The following ADGRL1 variants were observed in gnomAD, a reference collection of about 807,000 sequenced individuals.
The protein encoded by ADGRL1 is CIRL-1.
Under a neutral mutation model 148.9 loss-of-function variants are expected in ADGRL1, and 31 were observed. That is an observed-to-expected ratio of 0.21 (90% CI 0.16 to 0.28). The LOEUF is 0.28. Among genes scored for constraint, ADGRL1 ranks in the 10% least tolerant of loss-of-function variants. The probability of loss-of-function intolerance (pLI) is 1.00; values close to 1 mark genes in which losing one functional copy is unlikely to be tolerated. For missense variants in ADGRL1, 1,521 were observed against 2,058.8 expected (o/e 0.74, Z 5.05); for synonymous variants, 937 against 900.3 (o/e 1.04, Z -0.73).
intron 3 of ADGRL1, chr19:14,171,140 C>A: frequency 4.8e-6 from 1 of 209,382 alleles, no homozygotes; most frequent in Non-Finnish European, 9.7e-6. Flanking sequence ...GTACGGCGTG[C>A]CTGCTTCCCC....
chr19:14,182,079 C>T (rs757510259), intron 2 of ADGRL1, among the ~76,000 whole-genome samples: 4 of 152,130 alleles, frequency 2.6e-5, no homozygotes, highest in Admixed American at 6.5e-5. Flanking sequence ...AATTCCAGCC[C>T]GGCCACTCCC....
In ADGRL1 at chr19:14,205,434, G is replaced by A. The variant is rs1213085274; in HGVS notation, c.-96+551C>T. On this transcript the variant is annotated intron_variant, in intron 1 of 22. Transcript: ENST00000361434. ...CCAGACGGACCCCTCCCCATCCCCC[G>A]CGCCACTGCCTCCCAGAGAAAAACA... Among the ~76,000 whole-genome samples, 8 of 150,602 alleles carry A rather than the reference G, an allele frequency of 5.3e-5. 1 individual carries two copies. In the South Asian group the frequency reaches 1.7e-3, roughly 32 times the overall value.
intron 1 of ADGRL1, among the ~76,000 whole-genome samples, chr19:14,203,560 G>A (rs1372583966): frequency 6.6e-6 from 1 of 152,152 alleles, no homozygotes; most frequent in Non-Finnish European, 1.5e-5. Context: ...CCAAACTGCT[G>A]GATGCAAACA....
In ADGRL1 at chr19:14,150,875, A is replaced by G. The variant is rs745339641; in HGVS notation, c.4408T>C (p.Ter1470ArgextTer53). The G allele has an allele frequency of 6.2e-7, 1 of 1,611,742 alleles. No individual in the cohort carries two copies. The highest frequency in any genetic ancestry group is 8.5e-7 in the Non-Finnish European group (1 of 1,179,546). ...AGCCCCTGGTCCATGAGGTGCCCTCAGAGACTGGTGACCAGCTGCATCTGC... is the reference window on the plus strand; with the variant it reads ...AGCCCCTGGTCCATGAGGTGCCCTCGGAGACTGGTGACCAGCTGCATCTGC... ...DGQMQLVTSL[*>R] The change falls in exon 23 of 23, where the codon TGA becomes CGA. Residue 1470 changes from the stop codon to arginine (R), a stop_lost. Coordinates refer to ENST00000361434, the MANE Select transcript of ADGRL1 (RefSeq NM_014921.5).
intron 4 of ADGRL1, among the ~76,000 whole-genome samples, chr19:14,166,562 CAGAGAGAGAGAGAGAG>C (rs370519604): frequency 1.4e-5 from 2 of 148,076 alleles, no homozygotes; most frequent in Non-Finnish European, 3.0e-5. Context: ...AGGGGAGAGA[CAGAGAGAGAGAGAGAG>C]AGAAAGAGAG....
rs533342402 is a variant in ADGRL1, at chr19:14,147,790, A to AT, written c.*3082dup. 236 of 152,382 alleles carry AT rather than the reference A, an allele frequency of 1.5e-3. No homozygotes were observed. The highest frequency in any genetic ancestry group is 2.4e-3 in the Non-Finnish European group (166 of 67,992). 9.4% of individuals were successfully genotyped at this position (152,382 alleles called of 1,614,324 possible). On this transcript the variant is annotated 3_prime_UTR_variant, in exon 23 of 23. Transcript: ENST00000361434. The stretch of plus-strand genomic sequence containing the variant: ...TATTGTTTGACTTTTTGACTCAACA[A>AT]TTTTTTTAAAACTTTTTGTTTTTTT...
At chr19:14,205,609 G>A (rs1972943192) in intron 1 of ADGRL1, among the ~76,000 whole-genome samples, 1 of 151,684 alleles carries the variant, frequency 6.6e-6, no homozygotes, top group South Asian at 2.1e-4. Context: ...ACACGCACCG[G>A]GGACACGCAG....
chr19:14,184,500 A>G (rs1158921727), intron 1 of ADGRL1, among the ~76,000 whole-genome samples: 5 of 151,048 alleles, frequency 3.3e-5, no homozygotes, highest in Admixed American at 3.3e-4. Flanking sequence ...TGATATAATC[A>G]CAGCTCACTG....
intron 3 of ADGRL1, among the ~76,000 whole-genome samples, chr19:14,172,321 C>T (rs1424157224): frequency 6.6e-6 from 1 of 152,066 alleles, no homozygotes; most frequent in African/African-American, 2.4e-5. Context: ...ACACAGGAGG[C>T]TAAGGCAGAA....
At chr19:14,163,464 AG>A (rs1208345989) in intron 4 of ADGRL1, 58 bp from the exon 5 acceptor site, 4 of 784,058 alleles carry the variant, frequency 5.1e-6, no homozygotes, top group South Asian at 1.9e-5. Flanking sequence ...GGCGAGAGGG[AG>A]GAGAGAGAGA....
At chr19:14,181,981 G>A (rs183796979) in intron 2 of ADGRL1, among the ~76,000 whole-genome samples, 10 of 152,282 alleles carry the variant, frequency 6.6e-5, no homozygotes, top group Admixed American at 3.3e-4. Flanking sequence ...TCCCTGGGGG[G>A]ATTGCGTTGC....
Position 14,149,582 on chromosome 19 carries a change from TGGGGA to T in ADGRL1, c.*1286_*1290del, listed in dbSNP as rs1268745730. ...TGTGAAGAGGTCTCCCCCGGGCCGG[TGGGGA>T]GGGAAGGGGGAGACAGGCCTCTGGT... On this transcript the variant is annotated 3_prime_UTR_variant, in exon 23 of 23. Transcript: ENST00000361434. 1 of 147,446 alleles carries T rather than the reference TGGGGA, an allele frequency of 6.8e-6. No individual in the cohort carries two copies. The highest frequency in any genetic ancestry group is 2.5e-5 in the African/African-American group (1 of 39,610). The allele number at this position is 147,446 out of a possible 1,614,324, so 9.1% of individuals were successfully genotyped here.
At chr19:14,169,114 A>G (rs940419975) in intron 4 of ADGRL1, 1 of 152,256 alleles carries the variant, frequency 6.6e-6, no homozygotes, top group Admixed American at 6.5e-5. Context: ...GGCATTGGTA[A>G]TATTACTGAG....
In ADGRL1 at chr19:14,155,398, C is replaced by G. The variant is rs761920179; in HGVS notation, c.3255G>C (p.Gly1085=). 6.2e-7 allele frequency: 1 copy of G among 1,614,082 alleles called. No individual in the cohort carries two copies. Among genetic ancestry groups the G allele is most frequent in the African/African-American group, 1.3e-5 (1 of 75,020 alleles). The change falls in exon 18 of 23, where the codon GGG becomes GGC. Residue 1085 remains glycine, a synonymous_variant. Transcript: ENST00000361434. This position sits in a 1 kb window ranked among gnomAD's most constrained non-coding sequence, Gnocchi z 5.0. ...YLFTTFNAFQ[G]VFIFVFHCAL... ...CGCAGTGAAAGACGAAGATGAAGACCCCCTGGAAGGCGTTGAAGGTGGTGA... is the reference window on the plus strand; with the variant it reads ...CGCAGTGAAAGACGAAGATGAAGACGCCCTGGAAGGCGTTGAAGGTGGTGA...
At chr19:14,172,417 G>A (rs1328682816) in intron 3 of ADGRL1, among the ~76,000 whole-genome samples, 1 of 151,460 alleles carries the variant, frequency 6.6e-6, no homozygotes, top group East Asian at 1.9e-4. Flanking sequence ...GTAAGACTCC[G>A]TCTCAAACAA....
intron 18 of ADGRL1, among the ~76,000 whole-genome samples, chr19:14,154,183 G>A (rs761004872): frequency 3.9e-5 from 6 of 152,198 alleles, no homozygotes; most frequent in Non-Finnish European, 7.4e-5. Context: ...GCCTTTGACC[G>A]TGTGTCCAAG....
intron 2 of ADGRL1, among the ~76,000 whole-genome samples, chr19:14,181,395 T>C (rs1971182565): frequency 6.6e-6 from 1 of 152,218 alleles, no homozygotes; most frequent in Non-Finnish European, 1.5e-5. Context: ...CAGGGCTATG[T>C]GCCAACCAGG....
At chr19:14,203,174 C>T (rs941380201) in intron 1 of ADGRL1, among the ~76,000 whole-genome samples, 5 of 152,124 alleles carry the variant, frequency 3.3e-5, no homozygotes, top group African/African-American at 4.8e-5. Flanking sequence ...AGGGAACCCC[C>T]GCCTCAGGAG....
rs754832945 is a variant in ADGRL1, at chr19:14,155,540, C to T, written c.3126-13G>A. The T allele has an allele frequency of 2.5e-6, 4 of 1,612,688 alleles. No homozygotes were observed. Among genetic ancestry groups the T allele is most frequent in the Non-Finnish European group, 2.5e-6 (3 of 1,179,666 alleles). On this transcript the variant is annotated splice_polypyrimidine_tract_variant and intron_variant, in intron 17 of 22. Transcript: ENST00000361434. This position sits in a 1 kb window ranked among gnomAD's most constrained non-coding sequence, Gnocchi z 5.0. ...CAGCGCCCAGGATCTGGGAGTGGGG[C>T]GACAGGGGAGTCAAAGTACCCGCCG...
Sources: gnomAD v4.1 joint callset for allele counts (sites outside exome capture counted in the v4.1 genomes callset) on GRCh38, gnomAD v4.1.1 for gene constraint, Gnocchi (gnomAD v3.1) non-coding constraint, MANE v1.5 for transcripts, NCBI Gene and HGNC (gene_info 2026-07-23, HGNC 2026-07-21) for gene names.